Variants in CLNK observed in about 807,000 individuals in gnomAD.
CLNK encodes cytokine-dependent hematopoietic cell linker.
A neutral mutation model predicts 68.6 loss-of-function variants in CLNK; 74 were observed. The observed-to-expected ratio is 1.08, with a 90% CI of 0.89 to 1.31. The LOEUF (loss-of-function observed/expected upper bound fraction) is 1.31. Among genes scored for constraint, CLNK ranks in the 50% most tolerant of loss-of-function variants. The pLI is 0.00. For synonymous variants in CLNK, 198 were observed against 172.2 expected (o/e 1.15, Z -1.17); for missense variants, 553 against 515.3 (o/e 1.07, Z -0.71).
At chr4:10,595,904 A>G (rs1721365652) in intron 3 of CLNK, among the ~76,000 whole-genome samples, 1 of 152,234 alleles carries the variant, frequency 6.6e-6, no homozygotes. Context: ...CTATTAGCCC[A>G]CATTATTTAA....
At chr4:10,610,771 AACACACAC>A (rs59809551) in intron 2 of CLNK, among the ~76,000 whole-genome samples, 6,868 of 144,524 alleles carry the variant, frequency 0.048, 237 homozygotes, top group South Asian at 0.083. Flanking sequence ...ATAAAAAAGC[AACACACAC>A]ACACACACAC....
intron 13 of CLNK, among the ~76,000 whole-genome samples, chr4:10,527,525 G>C (rs1175040683): frequency 6.6e-6 from 1 of 152,184 alleles, no homozygotes; most frequent in Non-Finnish European, 1.5e-5. Context: ...TTTGGCTCTG[G>C]ACATAATTCA....
intron 1 of CLNK, among the ~76,000 whole-genome samples, chr4:10,674,975 G>A (rs922663008): frequency 6.6e-6 from 1 of 151,944 alleles, no homozygotes; most frequent in Non-Finnish European, 1.5e-5. Context: ...GGGCCTGTTG[G>A]GGGGTTTGGG....
At chr4:10,500,595 A>T (rs1341672846) in intron 18 of CLNK, among the ~76,000 whole-genome samples, 2 of 151,608 alleles carry the variant, frequency 1.3e-5, no homozygotes, top group Non-Finnish European at 2.9e-5. Flanking sequence ...CAGGAGAATC[A>T]CTTGAACCTG....
chr4:10,626,115 C>T (rs1002008010), intron 2 of CLNK, among the ~76,000 whole-genome samples: 3 of 152,198 alleles, frequency 2.0e-5, no homozygotes, highest in African/African-American at 7.2e-5. Context: ...CTGGCTGGGG[C>T]TCATGCCTTG....
intron 2 of CLNK, among the ~76,000 whole-genome samples, chr4:10,665,466 C>T (rs1420482296): frequency 6.6e-6 from 1 of 151,998 alleles, no homozygotes; most frequent in Admixed American, 6.6e-5. Flanking sequence ...GAGACCGAGA[C>T]CATCCTGGCT....
the CLNK span, among the ~76,000 whole-genome samples, chr4:10,725,852 TAA>T: frequency 2.2e-4 from 31 of 142,098 alleles, no homozygotes; most frequent in Admixed American, 3.5e-4. Flanking sequence ...AGACTCCGTC[TAA>T]AAAAAAAAAA....
Position 10,542,275 on chromosome 4 carries a change from C to T in CLNK, c.451G>A (p.Ala151Thr). 1.3e-6 allele frequency: 2 copies of T among 1,536,150 alleles called. No homozygotes were observed. The highest frequency in any genetic ancestry group is 1.8e-6 in the Non-Finnish European group (2 of 1,124,120). The change falls in exon 9 of 19, where the codon GCA becomes ACA. Residue 151 changes from alanine to threonine, a missense_variant. By Grantham distance (58) the Ala-to-Thr change is moderately conservative. Coordinates refer to ENST00000226951, the MANE Select transcript of CLNK (RefSeq NM_052964.4). Reference sequence around the variant, plus strand: ...CTTACCTTGTTCTTTCTTACGGATGCATCTCCTAAAACATAAGAGGGAATA... The same window carrying T: ...CTTACCTTGTTCTTTCTTACGGATGTATCTCCTAAAACATAAGAGGGAATA... Reference protein sequence around the residue: ...DVRSQNIKGDASVRKNKIPLP... With the variant: ...DVRSQNIKGDTSVRKNKIPLP...
chr4:10,599,238 A>T (rs923132610), intron 2 of CLNK, among the ~76,000 whole-genome samples: 5 of 152,150 alleles, frequency 3.3e-5, no homozygotes, highest in Non-Finnish European at 7.3e-5. Flanking sequence ...GTGGACACTC[A>T]CACATGTACA....
intron 4 of CLNK, among the ~76,000 whole-genome samples, chr4:10,573,003 T>C (rs964621970): frequency 3.9e-5 from 6 of 152,280 alleles, no homozygotes; most frequent in South Asian, 4.2e-4. Context: ...TAATTTTTTG[T>C]ATTTTTAGTA....
chr4:10,639,654 A>T (rs1723230395), intron 2 of CLNK, among the ~76,000 whole-genome samples: 1 of 152,256 alleles, frequency 6.6e-6, no homozygotes, highest in African/African-American at 2.4e-5. Flanking sequence ...AATATAACTT[A>T]AAATTAATTA....
At chr4:10,725,258 G>A in the CLNK span, among the ~76,000 whole-genome samples, 64,243 of 151,932 alleles carry the variant, frequency 0.42, 14,472 homozygotes, top group Middle Eastern at 0.59. Flanking sequence ...TTTCCACTCT[G>A]CCAGGGTCCC....
the CLNK span, among the ~76,000 whole-genome samples, chr4:10,699,252 C>CACCAT: frequency 1.7e-5 from 1 of 59,956 alleles, no homozygotes; most frequent in African/African-American, 5.4e-5. Flanking sequence ...ATACACACCA[C>CACCAT]GTATGTGTGT....
intron 3 of CLNK, among the ~76,000 whole-genome samples, chr4:10,588,825 T>C (rs1408606264): frequency 1.3e-5 from 2 of 151,902 alleles, no homozygotes; most frequent in African/African-American, 4.8e-5. Context: ...TAAAATAGTC[T>C]ATATATTATA....
At chr4:10,639,274 T>C (rs1261849982) in intron 2 of CLNK, among the ~76,000 whole-genome samples, 1 of 152,236 alleles carries the variant, frequency 6.6e-6, no homozygotes, top group African/African-American at 2.4e-5. Flanking sequence ...CTCCTGCTGG[T>C]GACAGAAATT....
chr4:10,618,072 C>G (rs1020154518), intron 2 of CLNK, among the ~76,000 whole-genome samples: 3 of 152,184 alleles, frequency 2.0e-5, no homozygotes, highest in Non-Finnish European at 4.4e-5. Context: ...AAGACTTACA[C>G]ACGAACATTC....
chr4:10,613,639 T>C (rs754822358), intron 2 of CLNK, among the ~76,000 whole-genome samples: 12 of 151,998 alleles, frequency 7.9e-5, no homozygotes, highest in Admixed American at 2.6e-4. Context: ...AGAATAGGTA[T>C]GTCATTGAGG....
chr4:10,587,452 ACCTTT>A (rs1420276219), intron 3 of CLNK, among the ~76,000 whole-genome samples: 3 of 152,102 alleles, frequency 2.0e-5, no homozygotes, highest in Non-Finnish European at 4.4e-5. Context: ...TCTGCATTAC[ACCTTT>A]CCTCCAAGGC....
intron 2 of CLNK, among the ~76,000 whole-genome samples, chr4:10,654,990 A>G (rs1483349994): frequency 5.9e-5 from 9 of 151,488 alleles, no homozygotes; most frequent in Non-Finnish European, 1.3e-4. Context: ...AGTCCCACCT[A>G]CTAGGGAGGC....
Sources: allele counts gnomAD v4.1 joint callset (sites outside exome capture counted in the v4.1 genomes callset), GRCh38; gene constraint gnomAD v4.1.1; transcripts MANE v1.5; gene names NCBI Gene and HGNC (gene_info 2026-07-23, HGNC 2026-07-21).